PLB1: variants seen among roughly 807,000 people sequenced by gnomAD.
The protein encoded by PLB1 is phospholipase B1, membrane-associated.
A neutral mutation model predicts 227.4 loss-of-function variants in PLB1; 242 were observed. The ratio of observed to expected loss-of-function variants is 1.06; its 90% confidence interval spans 0.96 to 1.18. The LOEUF is 1.18. PLB1 is among the 50% of genes most tolerant of loss of function. The probability of loss-of-function intolerance (pLI) is 0.00; values close to 1 mark genes in which losing one functional copy is unlikely to be tolerated. For missense variants in PLB1, 1,858 were observed against 1,816.3 expected (o/e 1.02, Z -0.42); for synonymous variants, 757 against 682.2 (o/e 1.11, Z -1.71).
At chr2:28,619,519 G>GTTTTTTTTTTTTTTTTTTTTTT (rs776491318) in intron 46 of PLB1, among the ~76,000 whole-genome samples, 1 of 124,610 alleles carries the variant, frequency 8.0e-6, no homozygotes. Context: ...AAATTTCAAG[G>GTTTTTTTTTTTTTTTTTTTTTT]TTTTGTTTTT....
intron 35 of PLB1, among the ~76,000 whole-genome samples, 158 bp from the exon 36 acceptor site, chr2:28,600,651 T>C (rs1055399354): frequency 1.3e-5 from 2 of 152,192 alleles, no homozygotes; most frequent in Non-Finnish European, 2.9e-5. Context: ...GTAATAACTT[T>C]CCAGAAGAGG....
chr2:28,504,320 G>C (rs77109533), intron 1 of PLB1, among the ~76,000 whole-genome samples: 1 of 152,076 alleles, frequency 6.6e-6, no homozygotes, highest in Non-Finnish European at 1.5e-5. Context: ...AAACCTGATC[G>C]TTGAAGATTT....
chr2:28,591,593 T>C (rs113057936), intron 30 of PLB1, 107 bp from the exon 31 acceptor site: 1 of 1,184,126 alleles, frequency 8.4e-7, no homozygotes, highest in East Asian at 2.4e-5. Context: ...TCCCTAGGAG[T>C]AGGACCCAGG....
Position 28,591,597 on chromosome 2 carries a change from A to G in PLB1, c.2128-103A>G, listed in dbSNP as rs1414061871. On this transcript the variant is annotated intron_variant, in intron 30 of 57. Transcript: ENST00000327757. ...TTTGAGGCCCCTCCCTAGGAGTAGG[A>G]CCCAGGAATCTGTATTTTTCAAAGT... is the stretch of plus-strand genomic sequence containing the variant. 1.2e-5 allele frequency: 15 copies of G among 1,222,278 alleles called. 1 individual carries two copies. The highest frequency in any genetic ancestry group is 1.5e-5 in the Non-Finnish European group (13 of 846,678). The allele number at this position is 1,222,278 out of a possible 1,614,324, so 75.7% of individuals were successfully genotyped here. A position where few individuals can be genotyped will look rare whatever the true frequency, so the allele number is the denominator to read the frequency against.
intron 39 of PLB1, among the ~76,000 whole-genome samples, chr2:28,603,168 T>C (rs1351485415): frequency 1.3e-5 from 2 of 152,180 alleles, no homozygotes; most frequent in African/African-American, 4.8e-5. Flanking sequence ...GGATCAAAGT[T>C]GGGACAGAGG....
chr2:28,620,490 A>G, intron 47 of PLB1, 110 bp from the exon 48 acceptor site: 1 of 1,415,090 alleles, frequency 7.1e-7, no homozygotes, highest in Non-Finnish European at 9.6e-7. Context: ...GGGTGATGGG[A>G]GAGACGCCCC....
At chr2:28,504,653 A>G (rs1340111741) in intron 1 of PLB1, among the ~76,000 whole-genome samples, 1 of 152,030 alleles carries the variant, frequency 6.6e-6, no homozygotes, top group African/African-American at 2.4e-5. Context: ...GAGGCAGGAG[A>G]ATTACTTGAA....
chr2:28,589,972 C>A, intron 28 of PLB1, 33 bp from the exon 29 acceptor site: 8 of 1,594,014 alleles, frequency 5.0e-6, no homozygotes, highest in Non-Finnish European at 6.9e-6. Context: ...GCCGCCTCTT[C>A]CTCACTCCCC....
At chr2:28,601,193 G>A in intron 36 of PLB1, 59 bp from the exon 37 acceptor site, 2 of 1,394,060 alleles carry the variant, frequency 1.4e-6, no homozygotes, top group East Asian at 2.3e-5. Flanking sequence ...ATTTCCTAGG[G>A]CAGGGATATT....
intron 29 of PLB1, 106 bp from the exon 30 acceptor site, chr2:28,591,027 G>T: frequency 7.1e-7 from 1 of 1,410,750 alleles, no homozygotes; most frequent in Non-Finnish European, 1.0e-6. Flanking sequence ...GGGACACAGG[G>T]CAGGCAGGCC....
chr2:28,607,751 G>A (rs755375047), intron 43 of PLB1, among the ~76,000 whole-genome samples: 3 of 152,202 alleles, frequency 2.0e-5, no homozygotes, highest in African/African-American at 4.8e-5. Flanking sequence ...GCCAGGGACC[G>A]TGGATAGTGG....
intron 20 of PLB1, among the ~76,000 whole-genome samples, chr2:28,571,927 A>G (rs1002036002): frequency 4.6e-5 from 7 of 152,224 alleles, no homozygotes; most frequent in African/African-American, 1.7e-4. Context: ...AAGAAAAAAA[A>G]ATCGATATTT....
chr2:28,563,766 CA>C (rs1676415594), intron 18 of PLB1, among the ~76,000 whole-genome samples: 1 of 152,144 alleles, frequency 6.6e-6, no homozygotes, highest in Non-Finnish European at 1.5e-5. Context: ...TTCCATTCAA[CA>C]GCCTCTCATC....
At chr2:28,510,116 A>G (rs1011910033) in intron 1 of PLB1, among the ~76,000 whole-genome samples, 7 of 152,228 alleles carry the variant, frequency 4.6e-5, no homozygotes, top group African/African-American at 1.7e-4. Flanking sequence ...GGCTGAAAGG[A>G]TCTAAAAGAT....
intron 1 of PLB1, among the ~76,000 whole-genome samples, chr2:28,504,989 A>G (rs543784970): frequency 6.6e-6 from 1 of 152,220 alleles, no homozygotes; most frequent in Non-Finnish European, 1.5e-5. Context: ...CAGAGAAGAT[A>G]TAAGTGTTCA....
rs1206614140 is a variant in PLB1, at chr2:28,539,729, A to G, written c.698+551A>G. Among the ~76,000 whole-genome samples the G allele has an allele frequency of 2.6e-5, 4 of 151,962 alleles. 1 individual carries two copies. The highest frequency in any genetic ancestry group is 1.3e-4 in the Admixed American group (2 of 15,258). On this transcript the variant is annotated intron_variant, in intron 11 of 57. Coordinates refer to ENST00000327757, the MANE Select transcript of PLB1 (RefSeq NM_153021.5). ...AAGGAGAGAAGTGGGGTGCTGGGGA[A>G]GGAGGGCTCTGAAGAGGATGCAAGA... is the stretch of plus-strand genomic sequence containing the variant.
rs191986405 is a variant in PLB1 at position 28,572,968 on chromosome 2, A to C, written c.1325-229A>C. Among the ~76,000 whole-genome samples, 168 of 152,346 alleles carry C rather than the reference A, an allele frequency of 1.1e-3. 1 individual carries two copies. The highest frequency in any genetic ancestry group is 4.0e-3 in the African/African-American group (165 of 41,582). ...AGAAAAATACATGAAAAAAGCCTGT[A>C]ACCCAGACTCACATTTCTTCAACAA... On this transcript the variant is annotated intron_variant, in intron 20 of 57. Transcript: ENST00000327757.
chr2:28,590,235 A>G (rs946174040), intron 29 of PLB1, among the ~76,000 whole-genome samples, 159 bp downstream of exon 29: 1 of 151,754 alleles, frequency 6.6e-6, no homozygotes, highest in African/African-American at 2.4e-5. Context: ...TTGTACTGAG[A>G]GGGACGGCCA....
chr2:28,513,441 C>A (rs1310184789), intron 1 of PLB1, among the ~76,000 whole-genome samples: 2 of 152,230 alleles, frequency 1.3e-5, no homozygotes, highest in Non-Finnish European at 2.9e-5. Context: ...CAATGGGTGC[C>A]AAACTCAGTG....
Sources: gnomAD v4.1 joint callset for allele counts (sites outside exome capture counted in the v4.1 genomes callset) on GRCh38, gnomAD v4.1.1 for gene constraint, MANE v1.5 for transcripts, NCBI Gene and HGNC (gene_info 2026-07-23, HGNC 2026-07-21) for gene names.